MDGA2: variants seen among roughly 807,000 people sequenced by gnomAD.
The protein encoded by MDGA2 is MAM domain containing glycosylphosphatidylinositol anchor 2.
MDGA2 carries 40 observed loss-of-function variants against 117.8 expected under a neutral mutation model. The observed-to-expected ratio is 0.34, with a 90% CI of 0.26 to 0.44. MDGA2 has a LOEUF of 0.44. MDGA2 is among the 20% of genes least tolerant of loss of function. The pLI is 1.00. For missense variants in MDGA2, 1,123 were observed against 1,250.6 expected, an observed-to-expected ratio of 0.90 and a Z score of 1.54; for synonymous variants, 452 against 439.0, an observed-to-expected ratio of 1.03 and a Z score of -0.37.
chr14:47,042,515 T>A (rs11844063), intron 7 of MDGA2, among the ~76,000 whole-genome samples: 3,027 of 152,216 alleles, frequency 0.02, 102 homozygotes, highest in African/African-American at 0.068. Flanking sequence ...ACTTGAGTGC[T>A]GTTTCAGTGT....
At chr14:46,870,237 C>T (rs760514413) in intron 14 of MDGA2, among the ~76,000 whole-genome samples, 1 of 151,818 alleles carries the variant, frequency 6.6e-6, no homozygotes, top group Non-Finnish European at 1.5e-5. Flanking sequence ...TAATTATGAA[C>T]CTTCTCAATG....
In MDGA2 at chr14:47,278,921, A is replaced by T. The variant is rs115788471; in HGVS notation, c.420+22490T>A. Among the ~76,000 whole-genome samples, 1,468 of 152,190 alleles carry T rather than the reference A, an allele frequency of 9.6e-3. 31 individuals are homozygous for T. The highest frequency in any genetic ancestry group is 0.032 in the African/African-American group (1,325 of 41,504). On this transcript the variant is annotated intron_variant, in intron 2 of 16. Transcript: ENST00000399232. ...TCTAATTTAATAATATATCTTGGGGAAAGTTTGACATCAGAATATATAGGA... is the reference window on the plus strand; with the variant it reads ...TCTAATTTAATAATATATCTTGGGGTAAGTTTGACATCAGAATATATAGGA...
Position 47,008,601 on chromosome 14 carries a change from C to G in MDGA2, c.1819+26410G>C, listed in dbSNP as rs561742477. ...TTTGACAGAATGGGATGAAATGGCA[C>G]TGCTCTAGAAATTTTGGCCCCAGTT... On this transcript the variant is annotated intron_variant, in intron 8 of 16. Transcript: ENST00000399232. Among the ~76,000 whole-genome samples the G allele has an allele frequency of 6.6e-5, 10 of 151,970 alleles. No individual in the cohort carries two copies. The South Asian group carries it at 2.1e-3, about 31-fold the overall frequency.
chr14:47,443,936 C>A (rs141272795), intron 1 of MDGA2, among the ~76,000 whole-genome samples: 3 of 152,290 alleles, frequency 2.0e-5, no homozygotes, highest in East Asian at 1.9e-4. Context: ...TCTGGGGACA[C>A]CCTTTTTGCC....
rs141185759 is a variant in MDGA2, at chr14:47,171,944, A to G, written c.596-27670T>C. 5.0e-3 allele frequency among the ~76,000 whole-genome samples: 767 copies of G among 152,236 alleles called. 3 individuals are homozygous for G. Among genetic ancestry groups the G allele is most frequent in the Non-Finnish European group, 7.8e-3 (529 of 68,008 alleles). ...TGGAATATCGGGTCATTCCCACCCT[A>G]ATACTGCGCTTTTCCGACGGGCTTA... On this transcript the variant is annotated intron_variant, in intron 3 of 16. Coordinates refer to ENST00000399232, the MANE Select transcript of MDGA2 (RefSeq NM_001113498.3).
intron 1 of MDGA2, among the ~76,000 whole-genome samples, chr14:47,572,231 TAC>T (rs1191025705): frequency 2.0e-5 from 3 of 152,204 alleles, no homozygotes; most frequent in Admixed American, 6.5e-5. Context: ...TATGTGCGTG[TAC>T]AGTGACTATG....
chr14:47,102,540 A>G (rs907216948), intron 5 of MDGA2, among the ~76,000 whole-genome samples: 3 of 152,102 alleles, frequency 2.0e-5, no homozygotes, highest in Admixed American at 1.3e-4. Flanking sequence ...CACAGGAAAC[A>G]TATTGAAGAA....
intron 1 of MDGA2, among the ~76,000 whole-genome samples, chr14:47,306,917 T>C (rs936054279): frequency 1.3e-5 from 2 of 151,882 alleles, no homozygotes; most frequent in African/African-American, 4.8e-5. Context: ...CTTACTGTTC[T>C]CACATGGCCA....
intron 6 of MDGA2, among the ~76,000 whole-genome samples, chr14:47,088,123 C>A (rs1594607029): frequency 1.3e-5 from 2 of 151,884 alleles, no homozygotes; most frequent in East Asian, 1.9e-4. Flanking sequence ...ATTTATAATT[C>A]TTCATAAATT....
At chr14:47,591,891 C>G (rs1896446841) in intron 1 of MDGA2, among the ~76,000 whole-genome samples, 1 of 152,066 alleles carries the variant, frequency 6.6e-6, no homozygotes, top group Admixed American at 6.6e-5. Flanking sequence ...GATGCCCTCT[C>G]TCACTCCTAT....
chr14:47,025,918 T>C (rs1026168903), intron 8 of MDGA2, among the ~76,000 whole-genome samples: 1 of 152,124 alleles, frequency 6.6e-6, no homozygotes, highest in Non-Finnish European at 1.5e-5. Flanking sequence ...CAAGCTATTG[T>C]TTCTGTCTTA....
intron 15 of MDGA2, among the ~76,000 whole-genome samples, chr14:46,847,734 G>C (rs989178901): frequency 1.3e-5 from 2 of 152,002 alleles, no homozygotes; most frequent in Non-Finnish European, 2.9e-5. Flanking sequence ...GTACCCTATA[G>C]TCATCGTTAG....
intron 9 of MDGA2, among the ~76,000 whole-genome samples, chr14:46,956,564 T>C (rs1302378053): frequency 3.3e-5 from 5 of 150,420 alleles, no homozygotes; most frequent in Non-Finnish European, 7.4e-5. Flanking sequence ...TAAATACATA[T>C]ATAAATAAGC....
chr14:46,880,543 C>A (rs1235386269), intron 11 of MDGA2, among the ~76,000 whole-genome samples: 2 of 151,486 alleles, frequency 1.3e-5, no homozygotes, highest in African/African-American at 4.8e-5. Context: ...GTGGCTCATG[C>A]CTGTAATCTA....
intron 2 of MDGA2, among the ~76,000 whole-genome samples, chr14:47,267,291 T>G (rs920433662): frequency 6.6e-6 from 1 of 152,042 alleles, no homozygotes; most frequent in Non-Finnish European, 1.5e-5. Flanking sequence ...AAAAAAACAG[T>G]CTTTAAAATT....
chr14:47,674,193 G>T (rs116330520), intron 1 of MDGA2, among the ~76,000 whole-genome samples: 6,837 of 152,190 alleles, frequency 0.045, 141 homozygotes, highest in Middle Eastern at 0.068. Context: ...TGGCATGCAA[G>T]GAGCCAAACC....
At chr14:47,413,623 A>G (rs572834596) in intron 1 of MDGA2, among the ~76,000 whole-genome samples, 1 of 151,296 alleles carries the variant, frequency 6.6e-6, no homozygotes, top group Admixed American at 6.6e-5. Context: ...AAGACTGGCC[A>G]TCCCTCTCCC....
At chr14:47,058,515 C>G (rs973125029) in intron 7 of MDGA2, 2 of 984,204 alleles carry the variant, frequency 2.0e-6, no homozygotes, top group South Asian at 9.4e-5. Context: ...TTGATATAAT[C>G]CAAGATTTCC....
intron 5 of MDGA2, among the ~76,000 whole-genome samples, chr14:47,114,852 T>G (rs114455881): frequency 6.6e-6 from 1 of 150,868 alleles, no homozygotes; most frequent in South Asian, 2.1e-4. Flanking sequence ...TTTTGGAACA[T>G]AGGCATGGGC....
Sources: allele counts gnomAD v4.1 joint callset (sites outside exome capture counted in the v4.1 genomes callset), GRCh38; gene constraint gnomAD v4.1.1; transcripts MANE v1.5; gene names NCBI Gene and HGNC (gene_info 2026-07-23, HGNC 2026-07-21).